The following SLC25A24 variants were observed in gnomAD, a reference collection of about 807,000 sequenced individuals.
The protein encoded by SLC25A24 is mitochondrial adenyl nucleotide antiporter SLC25A24.
In SLC25A24, 49 loss-of-function variants were observed where a neutral mutation model predicts 60.7. That is an observed-to-expected ratio of 0.81 (90% confidence interval 0.64 to 1.02). SLC25A24 has a LOEUF of 1.02. SLC25A24 is among the 50% of genes least tolerant of loss of function. The pLI, the probability that SLC25A24 is intolerant of heterozygous loss-of-function variation, is 0.00. For synonymous variants in SLC25A24, 202 were observed against 200.6 expected (o/e 1.01, Z -0.06); for missense variants, 564 against 586.3 (o/e 0.96, Z 0.39).
At chr1:108,149,438 G>T (rs1174189782) in intron 6 of SLC25A24, among the ~76,000 whole-genome samples, 1 of 152,156 alleles carries the variant, frequency 6.6e-6, no homozygotes, top group East Asian at 1.9e-4. Flanking sequence ...CCTTGTCTGT[G>T]ATAACAGTAC....
rs373941251 is a variant in SLC25A24, at chr1:108,177,083, G to A, written c.398+4858C>T. ...TTAAGGGATACACAATATGAAAAGA[G>A]GTAAACTGTGACATCAAAAATTCAA... On this transcript the variant is annotated intron_variant, in intron 3 of 9. Coordinates refer to ENST00000565488, the MANE Select transcript of SLC25A24 (RefSeq NM_013386.5). 1.6e-3 allele frequency among the ~76,000 whole-genome samples: 242 copies of A among 152,194 alleles called. 3 individuals carry two copies. The highest frequency in any genetic ancestry group is 5.6e-3 in the African/African-American group (234 of 41,546).
intron 8 of SLC25A24, among the ~76,000 whole-genome samples, chr1:108,141,018 C>T (rs1445896641): frequency 6.6e-6 from 1 of 152,044 alleles, no homozygotes; most frequent in Non-Finnish European, 1.5e-5. Context: ...ATAACACATA[C>T]AGAATCAACT....
chr1:108,174,527 T>C (rs762439085), intron 3 of SLC25A24, among the ~76,000 whole-genome samples: 6 of 152,182 alleles, frequency 3.9e-5, no homozygotes, highest in South Asian at 2.1e-4. Context: ...AAGGGAAATG[T>C]GGGGTTGGAG....
At chr1:108,199,762 T>C (rs1456161948) in intron 1 of SLC25A24, 194 bp downstream of exon 1, 1 of 597,334 alleles carries the variant, frequency 1.7e-6, no homozygotes, top group Non-Finnish European at 3.0e-6. Context: ...TTTCGTATTA[T>C]GACCCACTTC....
chr1:108,186,606 C>A (rs1040532737), intron 1 of SLC25A24, among the ~76,000 whole-genome samples: 5 of 152,102 alleles, frequency 3.3e-5, no homozygotes, highest in Admixed American at 1.3e-4. Context: ...CCTTTGATTT[C>A]AAAAATTAAA....
intron 3 of SLC25A24, among the ~76,000 whole-genome samples, chr1:108,178,581 G>A (rs755453026): frequency 7.9e-5 from 12 of 152,260 alleles, no homozygotes; most frequent in South Asian, 4.1e-4. Context: ...CTGGGAGGCC[G>A]AGGCGGGCAG....
chr1:108,177,993 T>C (rs1401052013), intron 3 of SLC25A24, among the ~76,000 whole-genome samples: 2 of 152,014 alleles, frequency 1.3e-5, no homozygotes, highest in African/African-American at 4.8e-5. Flanking sequence ...TGAAACCCCG[T>C]CTTTACTAAA....
At chr1:108,159,472 T>TG (rs1044390231) in intron 4 of SLC25A24, among the ~76,000 whole-genome samples, 47 of 151,484 alleles carry the variant, frequency 3.1e-4, no homozygotes, top group African/African-American at 1.1e-3. Flanking sequence ...TTGTTTTTTT[T>TG]TTTTTTTTTT....
At position 108,139,211 on chromosome 1, in the gene SLC25A24, G is replaced by A; in HGVS notation, c.1099-3C>T. On this transcript the variant is annotated splice_polypyrimidine_tract_variant and splice_region_variant and intron_variant, in intron 8 of 9. Coordinates refer to ENST00000565488, the MANE Select transcript of SLC25A24 (RefSeq NM_013386.5). The stretch of plus-strand genomic sequence containing the variant: ...TCCAGCCAATAGGACTTCAAGAGCT[G>A]CCAGAGAAATAAAGAAGAAAATAAT... 1 of 1,583,050 alleles carries A rather than the reference G, an allele frequency of 6.3e-7. No homozygotes were observed. Among genetic ancestry groups the A allele is most frequent in the East Asian group, 2.3e-5 (1 of 43,794 alleles).
chr1:108,175,498 T>C (rs1480790589), intron 3 of SLC25A24, among the ~76,000 whole-genome samples: 1 of 152,050 alleles, frequency 6.6e-6, no homozygotes, highest in African/African-American at 2.4e-5. Context: ...AATGGACTAA[T>C]ACACCAGGCA....
chr1:108,175,359 G>A (rs970589160), intron 3 of SLC25A24, among the ~76,000 whole-genome samples: 2 of 152,098 alleles, frequency 1.3e-5, no homozygotes, highest in Non-Finnish European at 2.9e-5. Flanking sequence ...GAAGAAGGAC[G>A]TGTTTGCTTC....
Position 108,158,703 on chromosome 1 carries a change from GAAA to G in SLC25A24, c.511-1086_511-1084del, listed in dbSNP as rs34586204. ...GAAGTGTAGAAGACAAGCCCATAAA[GAAA>G]AAAAAAAAAAAAAAGGCCGGGCACA... is the stretch of plus-strand genomic sequence containing the variant. On this transcript the variant is annotated intron_variant, in intron 4 of 9. Transcript: ENST00000565488. 7.5e-4 allele frequency among the ~76,000 whole-genome samples: 103 copies of G among 138,252 alleles called. No individual in the cohort carries two copies. The East Asian group carries it at 0.01, about 14-fold the overall frequency. The allele number at this position is 138,252 out of a possible 152,430, so 90.7% of individuals were successfully genotyped here.
intron 3 of SLC25A24, among the ~76,000 whole-genome samples, chr1:108,178,669 C>G (rs1009783241): frequency 6.6e-6 from 1 of 152,010 alleles, no homozygotes; most frequent in South Asian, 2.1e-4. Flanking sequence ...AAAAAATTAG[C>G]CGGGCGTGGT....
Position 108,157,484 on chromosome 1 carries a change from T to C in SLC25A24, c.647A>G (p.Asp216Gly). The change falls in exon 5 of 10, where the codon GAC becomes GGC. Residue 216 changes from aspartate to glycine, a missense_variant. Physicochemically the swap from Asp to Gly is moderately conservative, Grantham distance 94 (BLOSUM62 -1). Transcript: ENST00000565488. ...AVSRTSTAPL[D>G]RLKIMMQVHG... Reference sequence around the variant, plus strand: ...CACCTGCATCATGATTTTCAGACGGTCCAAAGGGGCAGTGCTTGTTCGAGA... The same window carrying C: ...CACCTGCATCATGATTTTCAGACGGCCCAAAGGGGCAGTGCTTGTTCGAGA... 6.2e-7 allele frequency: 1 copy of C among 1,614,108 alleles called. No individual in the cohort carries two copies. Among genetic ancestry groups the C allele is most frequent in the South Asian group, 1.1e-5 (1 of 91,076 alleles).
At position 108,176,865 on chromosome 1, in the gene SLC25A24, C is replaced by T. The variant is rs867730668; in HGVS notation, c.398+5076G>A. Among the ~76,000 whole-genome samples the T allele has an allele frequency of 3.3e-5, 5 of 151,958 alleles. No individual in the cohort carries two copies. The South Asian group carries it at 6.2e-4, about 19-fold the overall frequency. On this transcript the variant is annotated intron_variant, in intron 3 of 9. Coordinates refer to ENST00000565488, the MANE Select transcript of SLC25A24 (RefSeq NM_013386.5). ...ATGACCGCACCTATTTTATAAGAAA[C>T]GTAAAAGGAGCTCCTCAAGCTGAAA...
intron 6 of SLC25A24, among the ~76,000 whole-genome samples, chr1:108,150,009 T>G (rs1388164257): frequency 2.6e-5 from 4 of 152,234 alleles, no homozygotes; most frequent in African/African-American, 9.6e-5. Flanking sequence ...GGGCTCTGTT[T>G]CCTGAACTAC....
At position 108,191,977 on chromosome 1, in the gene SLC25A24, G is replaced by A. The variant is rs140903534; in HGVS notation, c.184-6023C>T. ...GCCTAAGCTCGGTACTGATAACTAG[G>A]GTCTATCAATTAAGGCATATTATGA... On this transcript the variant is annotated intron_variant, in intron 1 of 9. Transcript: ENST00000565488. 1.2e-4 allele frequency among the ~76,000 whole-genome samples: 16 copies of A among 138,624 alleles called. 4 individuals carry two copies. In the East Asian group the frequency reaches 2.1e-3, roughly 18 times the overall value. The allele number at this position is 138,624 out of a possible 152,430, so 90.9% of individuals were successfully genotyped here. A position where few individuals can be genotyped will look rare whatever the true frequency, so the allele number is the denominator to read the frequency against.
In SLC25A24 at chr1:108,187,927, G is replaced by GATAGATAGATATAT; in HGVS notation, c.184-1974_184-1973insATATATCTATCTAT. Among the ~76,000 whole-genome samples, 520 of 95,738 alleles carry GATAGATAGATATAT rather than the reference G, an allele frequency of 5.4e-3. 27 individuals are homozygous for GATAGATAGATATAT. The highest frequency in any genetic ancestry group is 8.7e-3 in the Non-Finnish European group (421 of 48,120). 62.8% of individuals were successfully genotyped at this position (95,738 alleles called of 152,430 possible). A position where few individuals can be genotyped will look rare whatever the true frequency, so the allele number is the denominator to read the frequency against. ...TACACGAAATGGATAAGACATTATA[G>GATAGATAGATATAT]ATATATATATATATATATTCATGCA... On this transcript the variant is annotated intron_variant, in intron 1 of 9. Coordinates refer to ENST00000565488, the MANE Select transcript of SLC25A24 (RefSeq NM_013386.5).
At chr1:108,146,208 C>T (rs986467267) in intron 7 of SLC25A24, among the ~76,000 whole-genome samples, 12 of 152,070 alleles carry the variant, frequency 7.9e-5, no homozygotes, top group African/African-American at 2.4e-4. Context: ...TGATTTGGCT[C>T]TCTGTTTGTG....
Sources: allele counts gnomAD v4.1 joint callset (sites outside exome capture counted in the v4.1 genomes callset), GRCh38; gene constraint gnomAD v4.1.1; transcripts MANE v1.5; gene names NCBI Gene and HGNC (gene_info 2026-07-23, HGNC 2026-07-21).